DOCK7: variants seen among roughly 807,000 people sequenced by gnomAD.
DOCK7 encodes the protein dedicator of cytokinesis protein 7.
DOCK7 carries 138 observed loss-of-function variants against 271.0 expected under a neutral mutation model. That is an observed-to-expected ratio of 0.51 (90% CI 0.44 to 0.59). The LOEUF is 0.59. Among genes scored for constraint, DOCK7 ranks in the 20% least tolerant of loss-of-function variants. DOCK7 has a pLI of 0.00. For missense variants in DOCK7, 2,066 were observed against 2,592.4 expected, an observed-to-expected ratio of 0.80 and a Z score of 4.41; for synonymous variants, 823 against 876.1, an observed-to-expected ratio of 0.94 and a Z score of 1.07.
intron 18 of DOCK7, among the ~76,000 whole-genome samples, chr1:62,576,783 AG>A (rs1646953532): frequency 1.3e-5 from 2 of 152,220 alleles, no homozygotes; most frequent in South Asian, 4.1e-4. Flanking sequence ...TAATCATCAA[AG>A]TTGCCAATAT....
chr1:62,464,800 A>T (rs572930929), intron 48 of DOCK7, among the ~76,000 whole-genome samples: 18 of 152,222 alleles, frequency 1.2e-4, no homozygotes, highest in Non-Finnish European at 2.6e-4. Flanking sequence ...TGACCATTTA[A>T]CAACATAATT....
chr1:62,584,546 G>A (rs757599468), intron 15 of DOCK7: 10 of 1,146,624 alleles, frequency 8.7e-6, no homozygotes, highest in Non-Finnish European at 1.1e-5. Flanking sequence ...TTCCCTCTGA[G>A]AAGCTATCAC....
Position 62,513,746 on chromosome 1 carries a change from A to C in DOCK7, c.4089T>G (p.Leu1363=). Residue 1363 remains leucine, a synonymous_variant, in exon 32 of 50, where the codon CTT becomes CTG. Coordinates refer to ENST00000635253, the MANE Select transcript of DOCK7 (RefSeq NM_001367561.1). ...VLQLNRLLDL[L]YLCVSCFEYK... ...ACTCAAAGCAAGACACACAGAGATA[A>C]AGCAGATCTAATAGCCGGTTTAGCT... is the stretch of plus-strand genomic sequence containing the variant. 1 of 1,614,166 alleles carries C rather than the reference A, an allele frequency of 6.2e-7. No homozygotes were observed. The highest frequency in any genetic ancestry group is 2.2e-5 in the East Asian group (1 of 44,872).
chr1:62,570,729 T>C (rs755570694), intron 18 of DOCK7, among the ~76,000 whole-genome samples: 13 of 152,112 alleles, frequency 8.5e-5, no homozygotes, highest in Non-Finnish European at 2.9e-5. Context: ...TGGAACAGAA[T>C]AGAGAACTTA....
intron 31 of DOCK7, among the ~76,000 whole-genome samples, chr1:62,522,346 A>G (rs1251498049): frequency 6.6e-6 from 1 of 152,174 alleles, no homozygotes; most frequent in African/African-American, 2.4e-5. Context: ...ACAACTATGA[A>G]GAAGTTGAGT....
At chr1:62,636,811 A>G (rs967473946) in intron 7 of DOCK7, among the ~76,000 whole-genome samples, 5 of 152,190 alleles carry the variant, frequency 3.3e-5, no homozygotes, top group African/African-American at 1.2e-4. Context: ...GTTAATCCTA[A>G]TTAATTTATC....
intron 29 of DOCK7, among the ~76,000 whole-genome samples, chr1:62,530,201 A>T (rs1645132960): frequency 6.6e-6 from 1 of 152,200 alleles, no homozygotes; most frequent in African/African-American, 2.4e-5. Context: ...TTTTACTGTC[A>T]ATCACAACAG....
At chr1:62,570,326 C>T (rs1224491588) in intron 18 of DOCK7, among the ~76,000 whole-genome samples, 1 of 151,946 alleles carries the variant, frequency 6.6e-6, no homozygotes, top group Non-Finnish European at 1.5e-5. Flanking sequence ...AATGAAATAC[C>T]CAGGAATACA....
intron 22 of DOCK7, among the ~76,000 whole-genome samples, chr1:62,549,330 C>CA (rs1446325708): frequency 6.6e-6 from 1 of 152,014 alleles, no homozygotes; most frequent in Non-Finnish European, 1.5e-5. Flanking sequence ...CTAACAAGGA[C>CA]AGTTTTGGTG....
At chr1:62,487,143 T>C (rs2149281807) in intron 43 of DOCK7, 1 of 327,212 alleles carries the variant, frequency 3.1e-6, no homozygotes, top group East Asian at 4.5e-5. Flanking sequence ...ACTAAAGTGA[T>C]GACAAAGTGG....
chr1:62,540,655 G>C (rs1389805228), intron 25 of DOCK7, among the ~76,000 whole-genome samples: 1 of 152,138 alleles, frequency 6.6e-6, no homozygotes, highest in Non-Finnish European at 1.5e-5. Context: ...TATTGTATTT[G>C]TACTGAATAT....
At chr1:62,598,192 T>C (rs991312251) in intron 14 of DOCK7, 1 of 921,542 alleles carries the variant, frequency 1.1e-6, no homozygotes, top group Non-Finnish European at 1.5e-6. Flanking sequence ...AGAAAAATAA[T>C]CTCCAGAAAA....
intron 4 of DOCK7, among the ~76,000 whole-genome samples, chr1:62,649,910 C>G (rs928123792): frequency 6.6e-6 from 1 of 152,118 alleles, no homozygotes; most frequent in Non-Finnish European, 1.5e-5. Context: ...TCCTTCAGGT[C>G]TCTGCTCAAA....
At chr1:62,641,773 T>TACAA (rs1355921864) in intron 7 of DOCK7, 1 of 304,664 alleles carries the variant, frequency 3.3e-6, no homozygotes, top group African/African-American at 2.2e-5. Context: ...CACATTTGCT[T>TACAA]ACAAACAATT....
intron 14 of DOCK7, among the ~76,000 whole-genome samples, chr1:62,592,726 T>C (rs1460304033): frequency 6.6e-6 from 1 of 152,150 alleles, no homozygotes; most frequent in African/African-American, 2.4e-5. Context: ...ACTTGTCTAT[T>C]AGATTTATCA....
At chr1:62,577,411 A>G in intron 17 of DOCK7, 48 bp from the exon 18 acceptor site, 1 of 1,437,440 alleles carries the variant, frequency 7.0e-7, no homozygotes, top group East Asian at 2.4e-5. Flanking sequence ...GCTTGCTATA[A>G]AAATAATTAC....
intron 8 of DOCK7, 143 bp from the exon 9 acceptor site, chr1:62,635,065 G>C (rs745915203): frequency 2.2e-6 from 1 of 456,620 alleles, no homozygotes; most frequent in African/African-American, 2.0e-5. Flanking sequence ...ATTATAATAA[G>C]AAAACATTTA....
intron 37 of DOCK7, among the ~76,000 whole-genome samples, chr1:62,504,143 G>T (rs190359967): frequency 6.6e-6 from 1 of 151,398 alleles, no homozygotes; most frequent in African/African-American, 2.4e-5. Flanking sequence ...CCAAGGAGAC[G>T]CCAAAAATAG....
intron 12 of DOCK7, among the ~76,000 whole-genome samples, chr1:62,622,636 T>C (rs1653409284): frequency 6.6e-6 from 1 of 152,124 alleles, no homozygotes; most frequent in South Asian, 2.1e-4. Flanking sequence ...TTTATTTTTA[T>C]AGAAACAAGG....
Sources: allele counts gnomAD v4.1 joint callset (sites outside exome capture counted in the v4.1 genomes callset), GRCh38; gene constraint gnomAD v4.1.1; transcripts MANE v1.5; gene names NCBI Gene and HGNC (gene_info 2026-07-23, HGNC 2026-07-21).